The following ERICH1 variants were observed in gnomAD, a reference collection of about 807,000 sequenced individuals.
ERICH1 encodes glutamate rich 1.
Under a neutral mutation model 39.6 loss-of-function variants are expected in ERICH1, and 56 were observed. The observed-to-expected ratio is 1.41, with a 90% CI of 1.14 to 1.77. The LOEUF is 1.77. Among genes scored for constraint, ERICH1 ranks in the 40% most tolerant of loss-of-function variants. ERICH1 has a pLI of 0.00. For missense variants in ERICH1, 826 were observed against 575.4 expected, an observed-to-expected ratio of 1.44 and a Z score of -4.45; for synonymous variants, 313 against 223.6, an observed-to-expected ratio of 1.40 and a Z score of -3.57.
chr8:653,829 G>A (rs955096510), intron 3 of ERICH1, among the ~76,000 whole-genome samples: 4 of 151,814 alleles, frequency 2.6e-5, no homozygotes, highest in African/African-American at 9.7e-5. Flanking sequence ...TGGAGCCACA[G>A]AGACAGAAAG....
chr8:668,181 G>A (rs1384455890), intron 5 of ERICH1: 3 of 252,502 alleles, frequency 1.2e-5, no homozygotes, highest in East Asian at 1.0e-4. Context: ...AAGGATGCCC[G>A]GTGAAGGTGG....
At chr8:632,830 G>A (rs931900908) in intron 3 of ERICH1, among the ~76,000 whole-genome samples, 1 of 152,186 alleles carries the variant, frequency 6.6e-6, no homozygotes, top group Non-Finnish European at 1.5e-5. Context: ...AGTCATTTCT[G>A]GTTTCATAGC....
intron 3 of ERICH1, among the ~76,000 whole-genome samples, chr8:687,892 G>A (rs1265283319): frequency 6.6e-6 from 1 of 152,076 alleles, no homozygotes; most frequent in East Asian, 1.9e-4. Context: ...GCAGGCCTCC[G>A]AGGCTTCCAG....
chr8:638,473 A>G (rs569066559), intron 3 of ERICH1, among the ~76,000 whole-genome samples: 1 of 152,238 alleles, frequency 6.6e-6, no homozygotes, highest in South Asian at 2.1e-4. Context: ...TGCACCTGGG[A>G]AGGTTCGTGG....
rs1419081845 is a variant in ERICH1 at position 668,885 on chromosome 8, C to G, written c.1064-93G>C. 4 of 1,143,932 alleles carry G rather than the reference C, an allele frequency of 3.5e-6. No homozygotes were observed. The African/African-American group carries it at 6.2e-5, about 18-fold the overall frequency. 70.9% of individuals were successfully genotyped at this position (1,143,932 alleles called of 1,614,324 possible). The stretch of plus-strand genomic sequence containing the variant: ...TCCTCTCTTAAGGAAGGTCTCAAAC[C>G]TACGCTTCCACACAGAATGACATAT... On this transcript the variant is annotated intron_variant, in intron 4 of 5. Transcript: ENST00000262109.
chr8:703,549 C>T (rs1585499374), intron 2 of ERICH1, among the ~76,000 whole-genome samples: 1 of 152,160 alleles, frequency 6.6e-6, no homozygotes, highest in Non-Finnish European at 1.5e-5. Flanking sequence ...CCAGGCCTGG[C>T]TCCCAGGAGC....
intron 3 of ERICH1, among the ~76,000 whole-genome samples, chr8:618,482 T>C (rs1797073666): frequency 6.6e-6 from 1 of 152,228 alleles, no homozygotes; most frequent in Admixed American, 6.5e-5. Context: ...GCTTGGTTTG[T>C]CCTCACTGCC....
At chr8:635,026 A>C (rs1563172274) in intron 3 of ERICH1, among the ~76,000 whole-genome samples, 4 of 151,948 alleles carry the variant, frequency 2.6e-5, no homozygotes, top group Admixed American at 6.5e-5. Context: ...CCGTGGCTTC[A>C]GACCGCACCT....
At chr8:720,227 A>C (rs1303339054) in intron 1 of ERICH1, among the ~76,000 whole-genome samples, 7 of 152,224 alleles carry the variant, frequency 4.6e-5, no homozygotes, top group African/African-American at 9.6e-5. Context: ...CCGCGCAGAC[A>C]TACCAACGGC....
At chr8:682,234 C>G (rs2131963424) in intron 3 of ERICH1, among the ~76,000 whole-genome samples, 1 of 152,328 alleles carries the variant, frequency 6.6e-6, no homozygotes, top group African/African-American at 2.4e-5. Context: ...CCCAGCTTCT[C>G]AAAGTCTCAT....
At chr8:687,795 G>A (rs1324372025) in intron 3 of ERICH1, among the ~76,000 whole-genome samples, 1 of 152,160 alleles carries the variant, frequency 6.6e-6, no homozygotes, top group Non-Finnish European at 1.5e-5. Flanking sequence ...GTGGAATACG[G>A]GGCAGCCACG....
At chr8:643,153 G>C (rs1156320499) in intron 3 of ERICH1, among the ~76,000 whole-genome samples, 2 of 152,290 alleles carry the variant, frequency 1.3e-5, no homozygotes, top group East Asian at 3.9e-4. Context: ...CCCGTCCACA[G>C]CCGGGGACTG....
chr8:716,176 G>A (rs1027644933), intron 1 of ERICH1, among the ~76,000 whole-genome samples, 169 bp from the exon 2 acceptor site: 5 of 152,236 alleles, frequency 3.3e-5, no homozygotes, highest in African/African-American at 7.2e-5. Context: ...GGATCCCCCA[G>A]ACTCTGCCCG....
At chr8:688,243 G>A (rs1052095715) in intron 3 of ERICH1, among the ~76,000 whole-genome samples, 1 of 96,132 alleles carries the variant, frequency 1.0e-5, no homozygotes, top group Non-Finnish European at 2.3e-5. Flanking sequence ...TCGCAGAAAA[G>A]GTAAAGCGGC....
intron 1 of ERICH1, among the ~76,000 whole-genome samples, chr8:727,551 C>T (rs1819063547): frequency 6.6e-6 from 1 of 152,194 alleles, no homozygotes; most frequent in Non-Finnish European, 1.5e-5. Flanking sequence ...GGAGGATGCA[C>T]CTGCAAGGGC....
At chr8:708,646 T>G (rs1585550974) in intron 2 of ERICH1, among the ~76,000 whole-genome samples, 1 of 137,748 alleles carries the variant, frequency 7.3e-6, no homozygotes, top group African/African-American at 2.8e-5. Context: ...CTAGAGGGAG[T>G]GGGGAATGGG....
At chr8:656,686 G>A (rs1800704841) in intron 3 of ERICH1, 3 of 924,332 alleles carry the variant, frequency 3.2e-6, no homozygotes, top group Non-Finnish European at 3.9e-6. Flanking sequence ...GGGAATAAAG[G>A]ACATCCCCAT....
At chr8:658,035 G>A (rs1040518735) in intron 3 of ERICH1, among the ~76,000 whole-genome samples, 4 of 152,204 alleles carry the variant, frequency 2.6e-5, no homozygotes, top group East Asian at 1.9e-4. Flanking sequence ...CACGGACCAT[G>A]TTTGAGAGAG....
At chr8:693,791 A>G (rs1467323135) in intron 2 of ERICH1, among the ~76,000 whole-genome samples, 2 of 151,564 alleles carry the variant, frequency 1.3e-5, no homozygotes, top group African/African-American at 4.9e-5. Flanking sequence ...ACCAGAGGTC[A>G]TCACCACCGT....
Sources: gnomAD v4.1 joint callset for allele counts (sites outside exome capture counted in the v4.1 genomes callset) on GRCh38, gnomAD v4.1.1 for gene constraint, MANE v1.5 for transcripts, NCBI Gene and HGNC (gene_info 2026-07-23, HGNC 2026-07-21) for gene names.